GAS7: variants seen among roughly 807,000 people sequenced by gnomAD.
GAS7 encodes growth arrest specific 7.
GAS7 carries 28 observed loss-of-function variants against 71.1 expected under a neutral mutation model. The observed-to-expected ratio is 0.39, with a 90% CI of 0.29 to 0.54. GAS7 has a LOEUF of 0.54. Among genes scored for constraint, GAS7 ranks in the 20% least tolerant of loss-of-function variants. The pLI is 0.62. For synonymous variants in GAS7, 258 were observed against 245.8 expected (o/e 1.05, Z -0.46); for missense variants, 436 against 627.8 (o/e 0.69, Z 3.27).
In GAS7 at chr17:9,914,059, A is replaced by G. The variant is rs1796147352; in HGVS notation, c.*3169T>C. The G allele has an allele frequency of 8.7e-6, 2 of 228,672 alleles. No individual in the cohort carries two copies. The highest frequency in any genetic ancestry group is 2.2e-5 in the African/African-American group (1 of 45,048). The allele number at this position is 228,672 out of a possible 1,614,324, so 14.2% of individuals were successfully genotyped here. ...TAGCGTGCTTGCCTCTCCAAAGTGC[A>G]GTCTTTTATTTTCTCAGTTGCATCC... On this transcript the variant is annotated 3_prime_UTR_variant, in exon 14 of 14. Coordinates refer to ENST00000432992, the MANE Select transcript of GAS7 (RefSeq NM_201433.2).
chr17:10,032,167 C>T (rs1597727606), intron 1 of GAS7, among the ~76,000 whole-genome samples: 1 of 151,522 alleles, frequency 6.6e-6, no homozygotes, highest in Middle Eastern at 3.4e-3. Flanking sequence ...CTCTCTGGTC[C>T]TGATGTTTCA....
chr17:10,130,453 G>A (rs1008859916), intron 1 of GAS7, among the ~76,000 whole-genome samples: 1 of 152,004 alleles, frequency 6.6e-6, no homozygotes, highest in Admixed American at 6.6e-5. Flanking sequence ...TCCTCAAAAG[G>A]TTAAACATAC....
intron 2 of GAS7, among the ~76,000 whole-genome samples, chr17:10,009,671 C>CAAA (rs373722135): frequency 7.7e-5 from 6 of 78,266 alleles, no homozygotes; most frequent in African/African-American, 2.5e-4. Context: ...GACCCCTTCT[C>CAAA]AAAAAAAAAA....
chr17:9,996,178 T>C (rs1251442388), intron 2 of GAS7, among the ~76,000 whole-genome samples: 1 of 152,134 alleles, frequency 6.6e-6, no homozygotes, highest in Non-Finnish European at 1.5e-5. Flanking sequence ...CCAAGTCAAA[T>C]GTCCAATGAT....
chr17:10,099,529 G>C (rs2073678325), intron 1 of GAS7, among the ~76,000 whole-genome samples: 1 of 152,226 alleles, frequency 6.6e-6, no homozygotes, highest in South Asian at 2.1e-4. Context: ...CGAAAGTGAA[G>C]AATGAATTAC....
intron 1 of GAS7, among the ~76,000 whole-genome samples, chr17:10,046,224 C>T (rs895884719): frequency 4.6e-5 from 7 of 152,086 alleles, no homozygotes; most frequent in African/African-American, 1.4e-4. Flanking sequence ...GTGACTGAAT[C>T]TCTGGGAGAT....
intron 1 of GAS7, among the ~76,000 whole-genome samples, chr17:10,196,912 G>A (rs528095862): frequency 3.8e-4 from 58 of 152,246 alleles, no homozygotes; most frequent in African/African-American, 1.4e-3. Context: ...CCTACAAGTA[G>A]GGTATCTCCG....
At chr17:10,024,399 G>A (rs1178106883) in intron 1 of GAS7, among the ~76,000 whole-genome samples, 1 of 152,074 alleles carries the variant, frequency 6.6e-6, no homozygotes. Flanking sequence ...TTAGTCCTGT[G>A]GCTTTTTCCC....
At chr17:10,028,706 T>C (rs533097932) in intron 1 of GAS7, among the ~76,000 whole-genome samples, 130 of 143,416 alleles carry the variant, frequency 9.1e-4, no homozygotes, top group African/African-American at 3.2e-3. Flanking sequence ...CAAAATGATA[T>C]AAAAAAGGAA....
intron 1 of GAS7, among the ~76,000 whole-genome samples, chr17:10,175,260 TTTTTTCA>T (rs1433018472): frequency 1.3e-5 from 2 of 151,766 alleles, no homozygotes; most frequent in African/African-American, 2.4e-5. Context: ...GGTCCCTATG[TTTTTTCA>T]AGGTTTTGAT....
intron 1 of GAS7, among the ~76,000 whole-genome samples, chr17:10,190,983 C>A (rs770165783): frequency 3.3e-5 from 5 of 151,660 alleles, no homozygotes; most frequent in Non-Finnish European, 7.4e-5. Flanking sequence ...CAAGACCAGA[C>A]TGACCAACAT....
intron 3 of GAS7, among the ~76,000 whole-genome samples, chr17:9,972,700 C>G (rs2070019796): frequency 1.3e-5 from 2 of 152,052 alleles, no homozygotes; most frequent in South Asian, 4.1e-4. Context: ...AAAACACAGG[C>G]CACATTCTTT....
chr17:10,022,067 G>A (rs961717613), intron 1 of GAS7, among the ~76,000 whole-genome samples: 5 of 152,112 alleles, frequency 3.3e-5, no homozygotes, highest in Non-Finnish European at 7.4e-5. Context: ...AGACCAGCCT[G>A]GGCAACATAG....
At chr17:10,053,542 CACCAGCCCCATGGGAAGGGAGCCCAGGA>C (rs1321861001) in intron 1 of GAS7, among the ~76,000 whole-genome samples, 2 of 152,176 alleles carry the variant, frequency 1.3e-5, no homozygotes, top group Non-Finnish European at 2.9e-5. Flanking sequence ...GGTCACACAC[CACCAGCCCCATGGGAAGGGAGCCCAGGA>C]ACCATCTCTC....
intron 5 of GAS7, among the ~76,000 whole-genome samples, chr17:9,950,728 C>T (rs914423668): frequency 4.6e-5 from 7 of 151,854 alleles, no homozygotes; most frequent in Admixed American, 2.0e-4. Context: ...TGGTGGTGGG[C>T]GCCTGTAATC....
intron 5 of GAS7, among the ~76,000 whole-genome samples, chr17:9,952,492 A>G (rs1227884693): frequency 6.6e-6 from 1 of 152,166 alleles, no homozygotes; most frequent in Non-Finnish European, 1.5e-5. Context: ...CCCGGGTTCA[A>G]GCGATTCTCC....
intron 11 of GAS7, among the ~76,000 whole-genome samples, chr17:9,925,242 G>A (rs1352987503): frequency 6.6e-6 from 1 of 152,212 alleles, no homozygotes; most frequent in African/African-American, 2.4e-5. Context: ...CCATGCCCCA[G>A]AACTAGCCCG....
At position 10,198,247 on chromosome 17, in the gene GAS7, G is replaced by A. The variant is rs760056568; in HGVS notation, c.144C>T (p.Leu48=). The change falls in exon 1 of 14, where the codon CTC becomes CTT. Residue 48 remains leucine (L), a synonymous_variant. Coordinates refer to ENST00000432992, the MANE Select transcript of GAS7 (RefSeq NM_201433.2). ...CGTAGCTCGCCGGGAACCAGCCACG[G>A]AGCCCGTCCTCCTTCTCGCCTTCCC... ...GWWEGEKEDG[L]RGWFPASYVQ... 1.8e-5 allele frequency: 29 copies of A among 1,607,700 alleles called. No homozygotes were observed. Among genetic ancestry groups the A allele is most frequent in the Non-Finnish European group, 2.4e-5 (28 of 1,179,492 alleles).
At chr17:9,930,091 T>C (rs1174363567) in intron 9 of GAS7, among the ~76,000 whole-genome samples, 1 of 152,220 alleles carries the variant, frequency 6.6e-6, no homozygotes, top group African/African-American at 2.4e-5. Flanking sequence ...GTGAAATCGA[T>C]TTAATGGGCC....
Sources: gnomAD v4.1 joint callset for allele counts (sites outside exome capture counted in the v4.1 genomes callset) on GRCh38, gnomAD v4.1.1 for gene constraint, MANE v1.5 for transcripts, NCBI Gene and HGNC (gene_info 2026-07-23, HGNC 2026-07-21) for gene names.